Variants in ARHGAP24 observed in about 807,000 individuals in gnomAD.
ARHGAP24 encodes the protein rho GTPase-activating protein 24.
A neutral mutation model predicts 76.4 loss-of-function variants in ARHGAP24; 50 were observed. That is an observed-to-expected ratio of 0.65 (90% CI 0.52 to 0.83). The LOEUF is 0.83. ARHGAP24 is among the 40% of genes least tolerant of loss of function. ARHGAP24 has a pLI of 0.00. For synonymous variants in ARHGAP24, 345 were observed against 323.3 expected (o/e 1.07, Z -0.72); for missense variants, 930 against 914.2 (o/e 1.02, Z -0.22).
At chr4:85,495,451 T>C (rs1044926812) in intron 1 of ARHGAP24, among the ~76,000 whole-genome samples, 1 of 145,770 alleles carries the variant, frequency 6.9e-6, no homozygotes, top group Non-Finnish European at 1.5e-5. Context: ...CCCGGGTTCA[T>C]GCCATTGTCC....
chr4:85,994,551 C>T, intron 8 of ARHGAP24, 32 bp from the exon 9 acceptor site: 5 of 1,596,360 alleles, frequency 3.1e-6, no homozygotes, highest in Non-Finnish European at 4.3e-6. Context: ...AACTGTCTCA[C>T]TCATGCTACT....
chr4:85,637,026 CAT>C (rs1419271105), intron 2 of ARHGAP24, among the ~76,000 whole-genome samples: 2 of 152,028 alleles, frequency 1.3e-5, no homozygotes, highest in Non-Finnish European at 2.9e-5. Context: ...CATTTTCCTG[CAT>C]AGTTAGATGT....
At chr4:85,701,183 C>A (rs1471014089) in intron 2 of ARHGAP24, among the ~76,000 whole-genome samples, 1 of 152,210 alleles carries the variant, frequency 6.6e-6, no homozygotes, top group Non-Finnish European at 1.5e-5. Flanking sequence ...ACTTATATTT[C>A]TTCTTGCGTA....
chr4:85,949,458 T>C (rs1321786154), intron 5 of ARHGAP24, among the ~76,000 whole-genome samples: 1 of 152,204 alleles, frequency 6.6e-6, no homozygotes, highest in East Asian at 1.9e-4. Context: ...TGCAGTATCC[T>C]AGAGAGCTTT....
At chr4:85,728,426 A>G (rs1270949398) in intron 3 of ARHGAP24, among the ~76,000 whole-genome samples, 1 of 151,982 alleles carries the variant, frequency 6.6e-6, no homozygotes, top group African/African-American at 2.4e-5. Context: ...TAATCTGTCT[A>G]TGTTCCTATG....
intron 3 of ARHGAP24, among the ~76,000 whole-genome samples, chr4:85,729,772 A>G (rs1232424173): frequency 1.3e-5 from 2 of 152,222 alleles, no homozygotes; most frequent in African/African-American, 4.8e-5. Flanking sequence ...TGGTCACTGA[A>G]ATGTGAATTT....
chr4:85,821,335 C>A (rs1422187530), intron 3 of ARHGAP24, among the ~76,000 whole-genome samples: 1 of 152,122 alleles, frequency 6.6e-6, no homozygotes, highest in Non-Finnish European at 1.5e-5. Context: ...AAGTTGTCTT[C>A]TTAATGATAA....
intron 2 of ARHGAP24, among the ~76,000 whole-genome samples, chr4:85,615,871 C>G (rs1025610963): frequency 6.6e-6 from 1 of 152,140 alleles, no homozygotes; most frequent in South Asian, 2.1e-4. Flanking sequence ...TGGGTGTAAA[C>G]TCTGCAAAAG....
intron 5 of ARHGAP24, among the ~76,000 whole-genome samples, chr4:85,960,086 C>T (rs565513737): frequency 9.2e-5 from 14 of 152,206 alleles, no homozygotes; most frequent in Admixed American, 7.2e-4. Context: ...CAATCAAGTC[C>T]GCACAAAACT....
intron 2 of ARHGAP24, among the ~76,000 whole-genome samples, chr4:85,703,462 C>T (rs1282101193): frequency 6.6e-6 from 1 of 152,136 alleles, no homozygotes; most frequent in Non-Finnish European, 1.5e-5. Flanking sequence ...TTCATTAACA[C>T]ATCAAAATAC....
intron 3 of ARHGAP24, among the ~76,000 whole-genome samples, chr4:85,726,240 G>C (rs1725161143): frequency 6.6e-6 from 1 of 151,990 alleles, no homozygotes; most frequent in African/African-American, 2.4e-5. Context: ...TTTGGGGGGT[G>C]GGGGGTGGAC....
intron 3 of ARHGAP24, among the ~76,000 whole-genome samples, chr4:85,737,572 C>T (rs1170404090): frequency 6.6e-6 from 1 of 152,140 alleles, no homozygotes; most frequent in Non-Finnish European, 1.5e-5. Context: ...ATGCAAAGTG[C>T]AATATTGCCA....
At chr4:85,637,450 A>T (rs1238527990) in intron 2 of ARHGAP24, among the ~76,000 whole-genome samples, 1 of 152,096 alleles carries the variant, frequency 6.6e-6, no homozygotes, top group Non-Finnish European at 1.5e-5. Context: ...ATTTTCGAAC[A>T]TATATTTACC....
chr4:85,695,413 A>G (rs1452903463), intron 2 of ARHGAP24, among the ~76,000 whole-genome samples: 1 of 152,232 alleles, frequency 6.6e-6, no homozygotes, highest in Non-Finnish European at 1.5e-5. Context: ...TATCTCAGTG[A>G]AAGAGATTAA....
chr4:85,634,767 G>A (rs917753535), intron 2 of ARHGAP24, among the ~76,000 whole-genome samples: 3 of 151,790 alleles, frequency 2.0e-5, no homozygotes, highest in Admixed American at 2.0e-4. Context: ...TGGACCAAAA[G>A]ACCTTTCCAG....
At position 86,002,537 on chromosome 4, in the gene ARHGAP24, A is replaced by G. The variant is rs1293743470; in HGVS notation, c.*1815A>G. On this transcript the variant is annotated 3_prime_UTR_variant, in exon 10 of 10. Coordinates refer to ENST00000395184, the MANE Select transcript of ARHGAP24 (RefSeq NM_001025616.3). ...CATCCAGAAAGCTATATGATGCACT[A>G]GTAAAAAAAACAAAGATATTCAAAC... 1 of 134,990 alleles carries G rather than the reference A, an allele frequency of 7.4e-6. No individual in the cohort carries two copies. The highest frequency in any genetic ancestry group is 2.1e-4 in the East Asian group (1 of 4,718). 8.4% of individuals were successfully genotyped at this position (134,990 alleles called of 1,614,324 possible).
At chr4:85,894,821 C>T (rs1734050809) in intron 3 of ARHGAP24, among the ~76,000 whole-genome samples, 1 of 151,522 alleles carries the variant, frequency 6.6e-6, no homozygotes, top group Non-Finnish European at 1.5e-5. Flanking sequence ...ATTAGCTGGG[C>T]GTGGAGTCAC....
At chr4:85,903,172 C>G (rs1164190651) in intron 3 of ARHGAP24, among the ~76,000 whole-genome samples, 1 of 152,190 alleles carries the variant, frequency 6.6e-6, no homozygotes, top group Non-Finnish European at 1.5e-5. Flanking sequence ...TTACACACTT[C>G]TATACTTCAT....
intron 4 of ARHGAP24, among the ~76,000 whole-genome samples, chr4:85,933,226 AG>A (rs1215112521): frequency 2.0e-5 from 3 of 152,128 alleles, no homozygotes; most frequent in Non-Finnish European, 4.4e-5. Flanking sequence ...AAATGCCTAG[AG>A]GTAAAAAAAT....
Sources: allele counts gnomAD v4.1 joint callset (sites outside exome capture counted in the v4.1 genomes callset), GRCh38; gene constraint gnomAD v4.1.1; transcripts MANE v1.5; gene names NCBI Gene and HGNC (gene_info 2026-07-23, HGNC 2026-07-21).